ERG: variants seen among roughly 807,000 people sequenced by gnomAD.
ERG encodes ETS transcription factor ERG, also known as transcriptional regulator ERG.
ERG carries 9 observed loss-of-function variants against 55.3 expected under a neutral mutation model. That is an observed-to-expected ratio of 0.16 (90% CI 0.10 to 0.28). ERG has a LOEUF of 0.28. ERG is among the 10% of genes least tolerant of loss of function. The pLI, the probability that ERG is intolerant of heterozygous loss-of-function variation, is 1.00. For synonymous variants in ERG, 223 were observed against 237.3 expected, an observed-to-expected ratio of 0.94 and a Z score of 0.55; for missense variants, 434 against 631.6, an observed-to-expected ratio of 0.69 and a Z score of 3.35.
chr21:38,447,144 A>C (rs1279063147), intron 1 of ERG, among the ~76,000 whole-genome samples: 1 of 147,914 alleles, frequency 6.8e-6, no homozygotes, highest in Non-Finnish European at 1.5e-5. Flanking sequence ...CACCTGTCCC[A>C]GGACCAAGTT....
At chr21:38,651,205 A>C (rs1261233746) in intron 1 of ERG, among the ~76,000 whole-genome samples, 2 of 152,190 alleles carry the variant, frequency 1.3e-5, no homozygotes, top group African/African-American at 2.4e-5. Flanking sequence ...CCAATGTAAA[A>C]ACTGCAGATC....
rs557518169 is a variant in ERG, at chr21:38,431,431, T to C, written c.237-7870A>G. On this transcript the variant is annotated intron_variant, in intron 2 of 9. Transcript: ENST00000288319. ...TATAGTGGTTTTAAATAGCCATTATTCCCCTACCTGTGTGCAAGCTATGTG... is the reference window on the plus strand; with the variant it reads ...TATAGTGGTTTTAAATAGCCATTATCCCCCTACCTGTGTGCAAGCTATGTG... Among the ~76,000 whole-genome samples the C allele has an allele frequency of 1.9e-3, 286 of 152,308 alleles. 1 individual carries two copies. Among genetic ancestry groups the C allele is most frequent in the African/African-American group, 6.8e-3 (282 of 41,556 alleles).
intron 1 of ERG, among the ~76,000 whole-genome samples, chr21:38,656,214 G>A (rs374326060): frequency 7.9e-5 from 12 of 152,246 alleles, no homozygotes; most frequent in African/African-American, 2.9e-4. Flanking sequence ...CCAGTGACAG[G>A]ACCCATGAAA....
rs566036993 is a variant in ERG, at chr21:38,417,902, C to T, written c.388+5508G>A. 4.1e-4 allele frequency among the ~76,000 whole-genome samples: 62 copies of T among 152,266 alleles called. 2 individuals are homozygous for T. Among genetic ancestry groups the T allele is most frequent in the Admixed American group, 1.6e-3 (24 of 15,296 alleles). On this transcript the variant is annotated intron_variant, in intron 3 of 9. Transcript: ENST00000288319. ...CTATTGCATTTTGGTCAGCATTTTG[C>T]AACTTTTAAGAAGTGAATGGAGCCT...
chr21:38,646,997 G>A (rs1057456410), intron 1 of ERG, among the ~76,000 whole-genome samples: 5 of 152,080 alleles, frequency 3.3e-5, no homozygotes, highest in African/African-American at 4.8e-5. Context: ...CCTCCATGCC[G>A]CCTTGCTCTC....
chr21:38,570,665 A>AGACC (rs2059952032), intron 2 of ERG, among the ~76,000 whole-genome samples: 1 of 152,222 alleles, frequency 6.6e-6, no homozygotes, highest in Admixed American at 6.5e-5. Context: ...AGGCACAAAG[A>AGACC]AACTAAGGAA....
rs139319856 is a variant in ERG at position 38,385,454 on chromosome 21, G to A, written c.920-1531C>T. Among the ~76,000 whole-genome samples the A allele has an allele frequency of 2.2e-3, 341 of 152,236 alleles. 1 individual carries two copies. The highest frequency in any genetic ancestry group is 7.7e-3 in the African/African-American group (318 of 41,548). The stretch of plus-strand genomic sequence containing the variant: ...AATATACTGTAAAAATCAATTTTAC[G>A]TTCATTTTCTTCTAAATCCTCGCTA... On this transcript the variant is annotated intron_variant, in intron 9 of 9. Transcript: ENST00000288319.
At chr21:38,424,436 C>T (rs976933889) in intron 2 of ERG, among the ~76,000 whole-genome samples, 1 of 152,228 alleles carries the variant, frequency 6.6e-6, no homozygotes, top group East Asian at 1.9e-4. Flanking sequence ...TGGCTAGATG[C>T]ACAGAACACG....
chr21:38,636,299 A>G lies in ERG; in HGVS notation c.-150+25359T>C, dbSNP rs1347393091. ...CTCAGTTATGTACTTATAGGAGCCTAAGAATGAACTAATACACAATAAATG... is the reference window on the plus strand; with the variant it reads ...CTCAGTTATGTACTTATAGGAGCCTGAGAATGAACTAATACACAATAAATG... On this transcript the variant is annotated intron_variant, in intron 1 of 10. Transcript: ENST00000398910. Among the ~76,000 whole-genome samples the G allele has an allele frequency of 1.3e-5, 2 of 152,210 alleles. 1 individual carries two copies. Among genetic ancestry groups the G allele is most frequent in the Middle Eastern group, 6.3e-3 (2 of 316 alleles).
chr21:38,595,502 G>C (rs2060125655), intron 1 of ERG, among the ~76,000 whole-genome samples: 1 of 152,180 alleles, frequency 6.6e-6, no homozygotes, highest in African/African-American at 2.4e-5. Context: ...GTGCATCCTT[G>C]AACCCCGGGG....
At chr21:38,447,201 G>A (rs191320012) in intron 1 of ERG, among the ~76,000 whole-genome samples, 3 of 151,970 alleles carry the variant, frequency 2.0e-5, no homozygotes, top group South Asian at 2.1e-4. Flanking sequence ...CAGACACACG[G>A]CACTGAGAAT....
At chr21:38,549,412 G>A (rs2836510) in intron 2 of ERG, among the ~76,000 whole-genome samples, 76,744 of 151,988 alleles carry the variant, frequency 0.5, 20,684 homozygotes, top group Non-Finnish European at 0.62. Context: ...TTACTTCACC[G>A]AAATCTACAA....
At chr21:38,395,521 G>A (rs1227724955) in intron 6 of ERG, 1 of 204,168 alleles carries the variant, frequency 4.9e-6, no homozygotes, top group African/African-American at 2.3e-5. Flanking sequence ...CTTGGCAGAA[G>A]TGCCCATGTA....
intron 1 of ERG, among the ~76,000 whole-genome samples, chr21:38,598,762 T>C (rs1011110064): frequency 6.6e-6 from 1 of 152,038 alleles, no homozygotes; most frequent in African/African-American, 2.4e-5. Context: ...GGGAGCAGGG[T>C]GGATGTGTAG....
intron 1 of ERG, among the ~76,000 whole-genome samples, chr21:38,453,213 C>A (rs983355425): frequency 3.3e-5 from 5 of 152,170 alleles, no homozygotes; most frequent in African/African-American, 1.2e-4. Flanking sequence ...ATAGGGACTT[C>A]CTATAGCTAA....
intron 2 of ERG, among the ~76,000 whole-genome samples, chr21:38,554,525 C>A (rs935426798): frequency 6.6e-5 from 10 of 152,144 alleles, no homozygotes; most frequent in Admixed American, 3.9e-4. Context: ...TTTGCAGTAA[C>A]ATGAATGGAG....
At chr21:38,435,670 T>C (rs976639348) in intron 2 of ERG, among the ~76,000 whole-genome samples, 3 of 152,208 alleles carry the variant, frequency 2.0e-5, no homozygotes, top group African/African-American at 4.8e-5. Flanking sequence ...AGGGGCTCGA[T>C]GTTTCCCTGA....
chr21:38,473,833 T>C (rs1055135679), intron 1 of ERG, among the ~76,000 whole-genome samples: 1 of 152,104 alleles, frequency 6.6e-6, no homozygotes, highest in African/African-American at 2.4e-5. Flanking sequence ...TGCGTACGTA[T>C]GCATGTGTAT....
At chr21:38,491,964 T>C (rs2059339973) in intron 1 of ERG, among the ~76,000 whole-genome samples, 1 of 83,276 alleles carries the variant, frequency 1.2e-5, no homozygotes, top group Non-Finnish European at 3.5e-5. Context: ...TAAGAATTGC[T>C]GCCTATGGGA....
Sources: allele counts gnomAD v4.1 joint callset (sites outside exome capture counted in the v4.1 genomes callset), GRCh38; gene constraint gnomAD v4.1.1; transcripts MANE v1.5; gene names NCBI Gene and HGNC (gene_info 2026-07-23, HGNC 2026-07-21).